VPS8: variants seen among roughly 807,000 people sequenced by gnomAD.
VPS8 encodes the protein vacuolar protein sorting-associated protein 8 homolog.
A neutral mutation model predicts 216.4 loss-of-function variants in VPS8; 129 were observed. The observed-to-expected ratio is 0.60, with a 90% CI of 0.52 to 0.69. The LOEUF is 0.69. Ranked by LOEUF, VPS8 falls within the 30% of genes least tolerant of loss-of-function variation. The pLI, the probability that VPS8 is intolerant of heterozygous loss-of-function variation, is 0.00. For synonymous variants in VPS8, 571 were observed against 565.4 expected (o/e 1.01, Z -0.14); for missense variants, 1,531 against 1,683.5 (o/e 0.91, Z 1.59).
chr3:185,001,663 C>G (rs1036351450), intron 45 of VPS8, among the ~76,000 whole-genome samples: 3 of 152,280 alleles, frequency 2.0e-5, no homozygotes, highest in African/African-American at 7.2e-5. Flanking sequence ...AGCTCAATCT[C>G]CAGCCCCTCT....
At chr3:184,866,797 A>T in intron 16 of VPS8, 79 bp from the exon 17 acceptor site, 1 of 1,319,826 alleles carries the variant, frequency 7.6e-7, no homozygotes, top group Non-Finnish European at 1.1e-6. Context: ...ATAAGTCATT[A>T]ATAGTGATGA....
intron 37 of VPS8, among the ~76,000 whole-genome samples, chr3:184,959,079 C>A (rs1746076108): frequency 6.6e-6 from 1 of 152,144 alleles, no homozygotes; most frequent in African/African-American, 2.4e-5. Context: ...TTGCCATCAT[C>A]AGATTTTACC....
At chr3:184,848,102 G>C (rs1723477276) in intron 8 of VPS8, among the ~76,000 whole-genome samples, 1 of 152,046 alleles carries the variant, frequency 6.6e-6, no homozygotes, top group South Asian at 2.1e-4. Flanking sequence ...AGTGGAGATG[G>C]AGTTTCACTG....
intron 8 of VPS8, among the ~76,000 whole-genome samples, chr3:184,846,575 A>G (rs752413079): frequency 6.6e-6 from 1 of 152,250 alleles, no homozygotes. Flanking sequence ...GTCTTTAAGT[A>G]TTGGTGAATC....
At chr3:185,000,710 G>A (rs1290508585) in intron 45 of VPS8, among the ~76,000 whole-genome samples, 5 of 150,868 alleles carry the variant, frequency 3.3e-5, no homozygotes, top group South Asian at 4.2e-4. Context: ...CTGGGTTCAC[G>A]CCATTCTGCC....
At chr3:184,940,286 AT>A in intron 36 of VPS8, 43 bp downstream of exon 36, 6 of 803,574 alleles carry the variant, frequency 7.5e-6, no homozygotes, top group Non-Finnish European at 8.5e-6. Context: ...ATATATATAT[AT>A]ATGAGAAATA....
chr3:184,853,782 AAGT>A, intron 11 of VPS8, 72 bp from the exon 12 acceptor site: 2 of 1,486,088 alleles, frequency 1.3e-6, no homozygotes, highest in South Asian at 2.5e-5. Context: ...GAGGCTATGA[AAGT>A]AGTCCAGGTA....
chr3:184,911,373 T>G (rs1736499558), intron 25 of VPS8, among the ~76,000 whole-genome samples: 1 of 152,234 alleles, frequency 6.6e-6, no homozygotes. Flanking sequence ...ACCTGAGATT[T>G]CCAGCAAGAA....
At position 184,832,717 on chromosome 3, in the gene VPS8, T is replaced by A. The variant is rs1312582685; in HGVS notation, c.251T>A (p.Leu84His). 6.2e-7 allele frequency: 1 copy of A among 1,604,538 alleles called. No individual in the cohort carries two copies. Among genetic ancestry groups the A allele is most frequent in the Non-Finnish European group, 8.5e-7 (1 of 1,174,634 alleles). Reference protein sequence around the residue: ...ETDDEDESFILEDPTLLNIDT... With the variant: ...ETDDEDESFIHEDPTLLNIDT... ...GATGATGAAGATGAGTCTTTTATTC[T>A]TGAGGATCCTACATTGTTAAACATT... Residue 84 changes from leucine (L) to histidine (H), a missense_variant, in exon 4 of 48, where the codon CTT becomes CAT. Transcript: ENST00000625842.
At chr3:184,859,560 CCT>C (rs1725891331) in intron 14 of VPS8, among the ~76,000 whole-genome samples, 1 of 152,078 alleles carries the variant, frequency 6.6e-6, no homozygotes, top group South Asian at 2.1e-4. Context: ...CTTTTTGAGT[CCT>C]CTCATAATAA....
chr3:185,026,390 A>G (rs995995598), intron 46 of VPS8, among the ~76,000 whole-genome samples: 1 of 150,614 alleles, frequency 6.6e-6, no homozygotes, highest in East Asian at 2.0e-4. Context: ...CCCCACAGAT[A>G]TCGAGGGATG....
In VPS8 at chr3:184,951,977, G is replaced by A. The variant is rs181905113; in HGVS notation, c.3036-5397G>A. Among the ~76,000 whole-genome samples, 10 of 152,178 alleles carry A rather than the reference G, an allele frequency of 6.6e-5. No homozygotes were observed. The East Asian group carries it at 1.2e-3, about 18-fold the overall frequency. On this transcript the variant is annotated intron_variant, in intron 36 of 47. Transcript: ENST00000625842. The stretch of plus-strand genomic sequence containing the variant: ...ATGCATATTCACAACTTTGTTTCTC[G>A]TAAATGGTTGTGTCAATAAATTTTC...
intron 22 of VPS8, among the ~76,000 whole-genome samples, chr3:184,890,458 T>C (rs1451561089): frequency 6.6e-6 from 1 of 152,092 alleles, no homozygotes; most frequent in African/African-American, 2.4e-5. Flanking sequence ...CATATTATAT[T>C]GTTTCTTAGG....
intron 36 of VPS8, among the ~76,000 whole-genome samples, chr3:184,955,025 A>G (rs116608383): frequency 0.018 from 2,772 of 152,254 alleles, 92 homozygotes; most frequent in African/African-American, 0.063. Flanking sequence ...ACGCCCACAT[A>G]AGGGCCGCTT....
intron 8 of VPS8, among the ~76,000 whole-genome samples, chr3:184,846,717 T>C (rs959121428): frequency 8.5e-5 from 13 of 152,252 alleles, no homozygotes; most frequent in South Asian, 2.1e-4. Context: ...ACCAGCTCTA[T>C]CTTTGTCCTC....
In VPS8 at chr3:184,994,076, C is replaced by T. The variant is rs1468920461; in HGVS notation, c.3666+13C>T. ...TAACTATGAACAAGTAAGTAAGCTA[C>T]TTGTTACATCTAAGTCTGTCCTAAG... On this transcript the variant is annotated intron_variant, in intron 43 of 47. Coordinates refer to ENST00000625842, the MANE Select transcript of VPS8 (RefSeq NM_001009921.3). 2.0e-6 allele frequency: 3 copies of T among 1,514,580 alleles called. No homozygotes were observed. The highest frequency in any genetic ancestry group is 8.9e-7 in the Non-Finnish European group (1 of 1,126,544). 93.8% of individuals were successfully genotyped at this position (1,514,580 alleles called of 1,614,324 possible).
intron 45 of VPS8, among the ~76,000 whole-genome samples, chr3:185,023,230 CT>C (rs111233381): frequency 0.11 from 16,997 of 151,600 alleles, 2,335 homozygotes; most frequent in African/African-American, 0.33. Context: ...AATAGATATA[CT>C]TTTTTTTATC....
At chr3:185,004,364 C>T (rs948022658) in intron 45 of VPS8, among the ~76,000 whole-genome samples, 48 of 152,186 alleles carry the variant, frequency 3.2e-4, no homozygotes, top group Non-Finnish European at 6.2e-4. Flanking sequence ...CCCGCAATCG[C>T]AGGCACTCGG....
rs16859310 is a variant in VPS8, at chr3:184,812,983, G to A, written c.-89+758G>A. Among the ~76,000 whole-genome samples the A allele has an allele frequency of 7.0e-3, 1,060 of 152,308 alleles. 7 individuals carry two copies. The highest frequency in any genetic ancestry group is 0.024 in the African/African-American group (988 of 41,566). ...CCAGAGTGAGGGCAGCAGGGTGAAAGGTGGGCCTCTGAAGTTCGAGGCTAC... is the reference window on the plus strand; with the variant it reads ...CCAGAGTGAGGGCAGCAGGGTGAAAAGTGGGCCTCTGAAGTTCGAGGCTAC... On this transcript the variant is annotated intron_variant, in intron 1 of 47. Transcript: ENST00000625842.
Sources: gnomAD v4.1 joint callset for allele counts (sites outside exome capture counted in the v4.1 genomes callset) on GRCh38, gnomAD v4.1.1 for gene constraint, MANE v1.5 for transcripts, NCBI Gene and HGNC (gene_info 2026-07-23, HGNC 2026-07-21) for gene names.